CCDC144A: variants seen among roughly 807,000 people sequenced by gnomAD.
CCDC144A encodes coiled-coil domain-containing protein 144A.
Under a neutral mutation model 143.8 loss-of-function variants are expected in CCDC144A, and 41 were observed. The observed-to-expected ratio is 0.29, with a 90% CI of 0.22 to 0.37. The LOEUF (loss-of-function observed/expected upper bound fraction) is 0.37. Among genes scored for constraint, CCDC144A ranks in the 10% least tolerant of loss-of-function variants. The probability of loss-of-function intolerance (pLI) is 1.00; values close to 1 mark genes in which losing one functional copy is unlikely to be tolerated. For missense variants in CCDC144A, 637 were observed against 1,488.8 expected (o/e 0.43, Z 9.41); for synonymous variants, 242 against 517.9 (o/e 0.47, Z 7.23).
chr17:16,670,037 C>T, the CCDC144A span, among the ~76,000 whole-genome samples: 3 of 151,672 alleles, frequency 2.0e-5, no homozygotes, highest in East Asian at 3.9e-4. Context: ...AAAAATTAGC[C>T]GGGCATGATG....
chr17:16,720,774 A>G, intron 8 of CCDC144A, 116 bp downstream of exon 8: 1 of 1,509,990 alleles, frequency 6.6e-7, no homozygotes, highest in Non-Finnish European at 8.9e-7. Context: ...GCTCAGTGTT[A>G]AAATAGAGAA....
At position 16,729,963 on chromosome 17, in the gene CCDC144A, C is replaced by CATATATATATATATATATATATATAT. The variant is rs59756018; in HGVS notation, c.2106-1833_2106-1808dup. Among the ~76,000 whole-genome samples the CATATATATATATATATATATATATAT allele has an allele frequency of 2.9e-4, 27 of 94,016 alleles. 1 individual carries two copies. The highest frequency in any genetic ancestry group is 7.6e-4 in the South Asian group (2 of 2,636). 61.7% of individuals were successfully genotyped at this position (94,016 alleles called of 152,430 possible). On this transcript the variant is annotated intron_variant, in intron 9 of 16. Coordinates refer to ENST00000399273, the MANE Select transcript of CCDC144A (RefSeq NM_001382000.1). The stretch of plus-strand genomic sequence containing the variant: ...CATATTGTACCTCAGTAGGTAGTTT[C>CATATATATATATATATATATATATAT]ATATATATATATATATATATATATA...
At chr17:16,668,618 T>C in the CCDC144A span, among the ~76,000 whole-genome samples, 1 of 152,364 alleles carries the variant, frequency 6.6e-6, no homozygotes, top group Non-Finnish European at 1.5e-5. Context: ...TAACAGACTT[T>C]AGGATATAAT....
At chr17:16,768,456 T>G (rs1915697634) in intron 15 of CCDC144A, among the ~76,000 whole-genome samples, 1 of 152,226 alleles carries the variant, frequency 6.6e-6, no homozygotes, top group Non-Finnish European at 1.5e-5. Context: ...AATGTTTAAC[T>G]TAACTACTCA....
At chr17:16,673,693 G>A in the CCDC144A span, among the ~76,000 whole-genome samples, 227 of 152,070 alleles carry the variant, frequency 1.5e-3, no homozygotes, top group African/African-American at 4.9e-3. Context: ...GCCTATCTTC[G>A]TTTTTAAAAT....
At chr17:16,743,107 ACCT>A in intron 12 of CCDC144A, among the ~76,000 whole-genome samples, 1 of 152,120 alleles carries the variant, frequency 6.6e-6, no homozygotes, top group Non-Finnish European at 1.5e-5. Context: ...TTGTTTTTAT[ACCT>A]GTGCTTTTTT....
chr17:16,688,484 GTTTTT>G (rs66493875), upstream of CCDC144A, among the ~76,000 whole-genome samples: 5 of 71,616 alleles, frequency 7.0e-5, no homozygotes, highest in African/African-American at 1.1e-4. Context: ...TTCTTTTTCT[GTTTTT>G]TTTTTTTTTT....
intron 12 of CCDC144A, among the ~76,000 whole-genome samples, chr17:16,738,986 C>G (rs1914142769): frequency 7.0e-6 from 1 of 142,914 alleles, no homozygotes; most frequent in Non-Finnish European, 1.5e-5. Flanking sequence ...GAATTCCAAC[C>G]TAGAGGTATG....
chr17:16,709,445 C>G lies in CCDC144A; in HGVS notation c.1388C>G (p.Thr463Arg). The change falls in exon 5 of 17, where the codon ACA becomes AGA. Residue 463 changes from threonine to arginine, a missense_variant. Thr to Arg is a moderately conservative substitution (Grantham distance 71, BLOSUM62 -1). Coordinates refer to ENST00000399273, the MANE Select transcript of CCDC144A (RefSeq NM_001382000.1). ...NMNQNSDSGS[T>R]NNYKSLKPKL... ...AACCAAAATAGTGACAGTGGCAGTA[C>G]AAACAACTATAAAAGCCTGAAACCT... The G allele has an allele frequency of 6.2e-7, 1 of 1,611,608 alleles. No individual in the cohort carries two copies. The highest frequency in any genetic ancestry group is 1.1e-5 in the South Asian group (1 of 90,984).
chr17:16,773,086 T>C (rs1457609699), intron 16 of CCDC144A, among the ~76,000 whole-genome samples: 1 of 152,106 alleles, frequency 6.6e-6, no homozygotes, highest in South Asian at 2.1e-4. Context: ...TTTTCATTCT[T>C]GTTAACACTG....
At chr17:16,725,553 C>G (rs1234132436) in intron 8 of CCDC144A, among the ~76,000 whole-genome samples, 4 of 151,730 alleles carry the variant, frequency 2.6e-5, no homozygotes, top group Non-Finnish European at 4.4e-5. Context: ...TATGTTCTCA[C>G]TTGTAAGTGG....
At chr17:16,737,112 G>A (rs1347042793) in intron 12 of CCDC144A, among the ~76,000 whole-genome samples, 1 of 148,598 alleles carries the variant, frequency 6.7e-6, no homozygotes, top group Admixed American at 6.7e-5. Context: ...AAAAGAAGGC[G>A]AATCATATAT....
chr17:16,670,299 T>C, the CCDC144A span, among the ~76,000 whole-genome samples: 17 of 148,558 alleles, frequency 1.1e-4, no homozygotes, highest in African/African-American at 3.4e-4. Context: ...TTCTTTTTTT[T>C]TTTTTTTTGA....
chr17:16,683,530 G>C, the CCDC144A span: 2 of 1,546,314 alleles, frequency 1.3e-6, no homozygotes, highest in Non-Finnish European at 8.9e-7. Context: ...GCCGTGAGGA[G>C]GGGCGGCAAG....
chr17:16,696,498 G>A (rs1410801679), intron 2 of CCDC144A, among the ~76,000 whole-genome samples: 1 of 150,608 alleles, frequency 6.6e-6, no homozygotes, highest in Non-Finnish European at 1.5e-5. Flanking sequence ...GCTGGACGTG[G>A]TGGAGCATGC....
chr17:16,691,945 A>G (rs1008366221), intron 1 of CCDC144A: 12 of 151,978 alleles, frequency 7.9e-5, no homozygotes, highest in African/African-American at 2.9e-4. Flanking sequence ...TTTGCTGACT[A>G]GTTCCAAAGA....
In CCDC144A at chr17:16,709,273, G is replaced by C. The variant is rs776838832; in HGVS notation, c.1216G>C (p.Asp406His). ...LHENKLDCDNDNKPGIGHIFS... is the reference protein window; with the variant it reads ...LHENKLDCDNHNKPGIGHIFS... ...TGAAAATAAATTAGACTGCGACAAT[G>C]ATAACAAACCAGGCATTGGACATAT... The change falls in exon 5 of 17, where the codon GAT becomes CAT. Residue 406 changes from aspartate to histidine, a missense_variant. Asp to His is a moderately conservative substitution (Grantham distance 81). Transcript: ENST00000399273. The C allele has an allele frequency of 8.7e-6, 14 of 1,611,704 alleles. No homozygotes were observed. The South Asian group carries it at 1.4e-4, about 16-fold the overall frequency.
At chr17:16,734,660 G>C in intron 11 of CCDC144A, 30 bp from the exon 12 acceptor site, 1 of 1,467,952 alleles carries the variant, frequency 6.8e-7, no homozygotes, top group Middle Eastern at 1.8e-4. Context: ...ATTTTATTGA[G>C]TGCTACTGAA....
rs1398105287 is a variant in CCDC144A at position 16,709,525 on chromosome 17, T to C, written c.1468T>C (p.Tyr490His). Residue 490 changes from tyrosine to histidine, a missense_variant, in exon 5 of 17, where the codon TAT becomes CAT. Tyr to His is a moderately conservative substitution (Grantham distance 83). Transcript: ENST00000399273. ...PPDSDRTSEVYLHEELQQDMQ... is the reference protein window; with the variant it reads ...PPDSDRTSEVHLHEELQQDMQ... ...AGATTCTGACAGAACATCAGAAGTATATCTACATGAAGAATTACAGCAAGA... is the reference window on the plus strand; with the variant it reads ...AGATTCTGACAGAACATCAGAAGTACATCTACATGAAGAATTACAGCAAGA... The C allele has an allele frequency of 1.2e-6, 2 of 1,611,516 alleles. No individual in the cohort carries two copies. The highest frequency in any genetic ancestry group is 1.7e-6 in the Non-Finnish European group (2 of 1,179,642).
Sources: allele counts gnomAD v4.1 joint callset (sites outside exome capture counted in the v4.1 genomes callset), GRCh38; gene constraint gnomAD v4.1.1; transcripts MANE v1.5; gene names NCBI Gene and HGNC (gene_info 2026-07-23, HGNC 2026-07-21).